GOSR1: variants seen among roughly 807,000 people sequenced by gnomAD.
GOSR1 encodes golgi SNAP receptor complex member 1.
A neutral mutation model predicts 35.5 loss-of-function variants in GOSR1; 21 were observed. That is an observed-to-expected ratio of 0.59 (90% confidence interval 0.42 to 0.85). GOSR1 has a LOEUF of 0.85. Among genes scored for constraint, GOSR1 ranks in the 40% least tolerant of loss-of-function variants. The pLI is 0.00. For missense variants in GOSR1, 285 were observed against 309.6 expected (o/e 0.92, Z 0.60); for synonymous variants, 94 against 106.6 (o/e 0.88, Z 0.73).
At chr17:30,500,385 T>G (rs1967157523) in intron 6 of GOSR1, among the ~76,000 whole-genome samples, 1 of 152,232 alleles carries the variant, frequency 6.6e-6, no homozygotes, top group African/African-American at 2.4e-5. Flanking sequence ...TAATCCACTT[T>G]GGCTTCACTT....
rs532028229 is a variant in GOSR1 at position 30,498,762 on chromosome 17, C to G, written c.509+6009C>G. Among the ~76,000 whole-genome samples the G allele has an allele frequency of 1.1e-4, 16 of 152,308 alleles. No individual in the cohort carries two copies. In the South Asian group the frequency reaches 3.3e-3, roughly 32 times the overall value. On this transcript the variant is annotated intron_variant, in intron 6 of 8. Transcript: ENST00000451249. ...GTCTCACTCTGGCACCTGAAGAGGACACACTGGGCAAAAGAAAGTGAGCAG... is the reference window on the plus strand; with the variant it reads ...GTCTCACTCTGGCACCTGAAGAGGAGACACTGGGCAAAAGAAAGTGAGCAG...
chr17:30,520,126 C>G, intron 8 of GOSR1, 105 bp downstream of exon 8: 1 of 724,600 alleles, frequency 1.4e-6, no homozygotes, highest in Non-Finnish European at 2.5e-6. Flanking sequence ...AGCAGTAGAG[C>G]CCATCAGTAA....
intron 6 of GOSR1, among the ~76,000 whole-genome samples, chr17:30,498,235 A>G (rs1967073428): frequency 6.6e-6 from 1 of 151,706 alleles, no homozygotes; most frequent in African/African-American, 2.4e-5. Context: ...ATGCACATAT[A>G]ATTTGTTGGT....
At chr17:30,513,935 G>T (rs77232908) in intron 7 of GOSR1, among the ~76,000 whole-genome samples, 1 of 152,130 alleles carries the variant, frequency 6.6e-6, no homozygotes, top group African/African-American at 2.4e-5. Flanking sequence ...CAGTGAGGCC[G>T]TGTCTCAAAA....
At chr17:30,493,986 C>G (rs1966897854) in intron 6 of GOSR1, among the ~76,000 whole-genome samples, 1 of 152,044 alleles carries the variant, frequency 6.6e-6, no homozygotes, top group Admixed American at 6.5e-5. Flanking sequence ...CACTCATTTG[C>G]AAAGTTTTTC....
At position 30,507,288 on chromosome 17, in the gene GOSR1, GT is replaced by G. The variant is rs577951029; in HGVS notation, c.510-3591del. On this transcript the variant is annotated intron_variant, in intron 6 of 8. Transcript: ENST00000451249. ...TGCCATTAAGAACATTCATGAGGAG[GT>G]CAAAATATCAACATTAACAGGAATT... Among the ~76,000 whole-genome samples, 182 of 152,304 alleles carry G rather than the reference GT, an allele frequency of 1.2e-3. 1 individual carries two copies. Among genetic ancestry groups the G allele is most frequent in the African/African-American group, 4.3e-3 (179 of 41,570 alleles).
intron 7 of GOSR1, among the ~76,000 whole-genome samples, chr17:30,513,447 T>C (rs1302930793): frequency 1.3e-5 from 2 of 152,234 alleles, no homozygotes; most frequent in East Asian, 1.9e-4. Flanking sequence ...GATTTCATTC[T>C]GCTTGACTCT....
At chr17:30,481,335 A>T in intron 2 of GOSR1, 78 bp downstream of exon 2, 2 of 1,063,556 alleles carry the variant, frequency 1.9e-6, no homozygotes, top group East Asian at 2.5e-5. Flanking sequence ...AAAATATATA[A>T]CTTCTGTAAG....
At chr17:30,482,712 T>A (rs1914434721) in intron 2 of GOSR1, among the ~76,000 whole-genome samples, 1 of 152,192 alleles carries the variant, frequency 6.6e-6, no homozygotes, top group Non-Finnish European at 1.5e-5. Flanking sequence ...AAGGACTCCT[T>A]GGTTGTAAAG....
chr17:30,522,426 T>C lies in GOSR1; in HGVS notation c.*48T>C, dbSNP rs183768688. On this transcript the variant is annotated 3_prime_UTR_variant, in exon 9 of 9. Coordinates refer to ENST00000451249, the MANE Select transcript of GOSR1 (RefSeq NM_001007025.2). ...GACAGCCACCGCTTTCACACCCTGG[T>C]CTGGAATAAGGAAACATCGGAGGGA... 1 of 1,486,732 alleles carries C rather than the reference T, an allele frequency of 6.7e-7. No homozygotes were observed. Among genetic ancestry groups the C allele is most frequent in the East Asian group, 2.4e-5 (1 of 41,450 alleles). 92.1% of individuals were successfully genotyped at this position (1,486,732 alleles called of 1,614,324 possible). A position where few individuals can be genotyped will look rare whatever the true frequency, so the allele number is the denominator to read the frequency against.
chr17:30,495,782 AC>A (rs1415241855), intron 6 of GOSR1, among the ~76,000 whole-genome samples: 1 of 152,206 alleles, frequency 6.6e-6, no homozygotes, highest in Non-Finnish European at 1.5e-5. Flanking sequence ...TTCCTGCTGT[AC>A]CCTGGCAAAA....
chr17:30,515,577 A>G (rs1967776197), intron 7 of GOSR1, among the ~76,000 whole-genome samples: 1 of 152,152 alleles, frequency 6.6e-6, no homozygotes, highest in Admixed American at 6.5e-5. Context: ...AACTCCTTGT[A>G]CAAATTTCTA....
intron 1 of GOSR1, chr17:30,478,951 A>G (rs780385091): frequency 1.3e-5 from 2 of 152,204 alleles, no homozygotes; most frequent in Non-Finnish European, 2.9e-5. Flanking sequence ...CTATAATATT[A>G]CAGCGGCTCA....
chr17:30,488,164 CTTT>C (rs1165032726), intron 4 of GOSR1, among the ~76,000 whole-genome samples: 6 of 116,926 alleles, frequency 5.1e-5, no homozygotes, highest in Admixed American at 8.7e-5. Context: ...TTTAAATATA[CTTT>C]TTTTTTTTTT....
chr17:30,493,458 AT>A (rs957869798), intron 6 of GOSR1, among the ~76,000 whole-genome samples: 67 of 151,594 alleles, frequency 4.4e-4, no homozygotes, highest in African/African-American at 1.4e-3. Context: ...TCTTAAATCA[AT>A]TTTTTTTTGT....
chr17:30,502,613 C>T (rs983489316), intron 6 of GOSR1, among the ~76,000 whole-genome samples: 17 of 152,160 alleles, frequency 1.1e-4, no homozygotes, highest in African/African-American at 3.6e-4. Flanking sequence ...TTCTGTCTCC[C>T]GGTAACTTGC....
chr17:30,501,870 G>T (rs1567908442), intron 6 of GOSR1, among the ~76,000 whole-genome samples: 1 of 152,196 alleles, frequency 6.6e-6, no homozygotes, highest in African/African-American at 2.4e-5. Flanking sequence ...TTACCTAAAT[G>T]AGTTGAAAAC....
intron 7 of GOSR1, among the ~76,000 whole-genome samples, chr17:30,519,399 C>T (rs1967942460): frequency 6.6e-6 from 1 of 152,144 alleles, no homozygotes; most frequent in African/African-American, 2.4e-5. Flanking sequence ...TGTCAGCCAT[C>T]ATGGAAACCC....
intron 2 of GOSR1, among the ~76,000 whole-genome samples, 160 bp from the exon 3 acceptor site, chr17:30,484,054 A>G (rs1168123577): frequency 6.6e-6 from 1 of 152,208 alleles, no homozygotes; most frequent in African/African-American, 2.4e-5. Flanking sequence ...AGGAACCATA[A>G]TTCCTTTGGG....
Sources: gnomAD v4.1 joint callset for allele counts (sites outside exome capture counted in the v4.1 genomes callset) on GRCh38, gnomAD v4.1.1 for gene constraint, MANE v1.5 for transcripts, NCBI Gene and HGNC (gene_info 2026-07-23, HGNC 2026-07-21) for gene names.